NR3C1: variants seen among roughly 807,000 people sequenced by gnomAD.
The protein encoded by NR3C1 is nuclear receptor subfamily 3 group C member 1.
In NR3C1, 14 loss-of-function variants were observed where a neutral mutation model predicts 74.0. That is an observed-to-expected ratio of 0.19 (90% CI 0.12 to 0.30). The LOEUF is 0.30. Ranked by LOEUF, NR3C1 falls within the 10% of genes least tolerant of loss-of-function variation. The pLI is 1.00. For synonymous variants in NR3C1, 308 were observed against 332.5 expected (o/e 0.93, Z 0.80); for missense variants, 695 against 909.8 (o/e 0.76, Z 3.04).
At chr5:143,386,155 GATCTCATGAGAACTCACT>G (rs909371367) in intron 2 of NR3C1, among the ~76,000 whole-genome samples, 1 of 152,128 alleles carries the variant, frequency 6.6e-6, no homozygotes, top group Non-Finnish European at 1.5e-5. Flanking sequence ...CAAGCAACCA[GATCTCATGAGAACTCACT>G]ATCATGAGAA....
chr5:143,355,039 C>G (rs1830895623), intron 2 of NR3C1, among the ~76,000 whole-genome samples: 1 of 150,814 alleles, frequency 6.6e-6, no homozygotes, highest in African/African-American at 2.4e-5. Context: ...CACAGAGACA[C>G]AAAATGAGCA....
intron 2 of NR3C1, among the ~76,000 whole-genome samples, chr5:143,324,926 T>C (rs1300572296): frequency 6.6e-6 from 1 of 152,192 alleles, no homozygotes; most frequent in Non-Finnish European, 1.5e-5. Flanking sequence ...TCCCAAAAAG[T>C]TCCTAATATC....
At chr5:143,314,501 T>C (rs2151622811) in intron 2 of NR3C1, among the ~76,000 whole-genome samples, 1 of 152,042 alleles carries the variant, frequency 6.6e-6, no homozygotes, top group African/African-American at 2.4e-5. Flanking sequence ...TAACATTTAC[T>C]GTTTTCTAAG....
chr5:143,357,939 T>A (rs73797551), intron 2 of NR3C1, among the ~76,000 whole-genome samples: 71 of 152,284 alleles, frequency 4.7e-4, no homozygotes, highest in African/African-American at 1.3e-3. Context: ...ATAACTAACG[T>A]AAAACCCTGA....
intron 2 of NR3C1, among the ~76,000 whole-genome samples, chr5:143,357,831 T>C (rs944178719): frequency 2.0e-5 from 3 of 152,252 alleles, no homozygotes; most frequent in South Asian, 2.1e-4. Flanking sequence ...TAGAAGTTCA[T>C]AGGCCATTCC....
At chr5:143,343,997 A>C (rs537951656) in intron 2 of NR3C1, among the ~76,000 whole-genome samples, 1 of 152,342 alleles carries the variant, frequency 6.6e-6, no homozygotes, top group Non-Finnish European at 1.5e-5. Flanking sequence ...TACTTTTATA[A>C]ATCAGTCACT....
At chr5:143,417,309 T>A (rs1176830399) in intron 1 of NR3C1, among the ~76,000 whole-genome samples, 1 of 152,186 alleles carries the variant, frequency 6.6e-6, no homozygotes, top group Non-Finnish European at 1.5e-5. Context: ...TATAAAACAT[T>A]GCTTCTGTCT....
intron 1 of NR3C1, among the ~76,000 whole-genome samples, chr5:143,414,283 T>C (rs1398230679): frequency 6.6e-6 from 1 of 152,164 alleles, no homozygotes; most frequent in Non-Finnish European, 1.5e-5. Context: ...ATTCCAACAA[T>C]ATGATGGGTA....
At chr5:143,424,501 T>C (rs1751429435) in intron 1 of NR3C1, among the ~76,000 whole-genome samples, 1 of 152,208 alleles carries the variant, frequency 6.6e-6, no homozygotes, top group South Asian at 2.1e-4. Context: ...GTAACTCTTA[T>C]GTATCCATAA....
rs1001419940 is a variant in NR3C1, at chr5:143,322,336, T to C, written c.1185-8168A>G. On this transcript the variant is annotated intron_variant, in intron 2 of 8. Coordinates refer to ENST00000394464, the MANE Select transcript of NR3C1 (RefSeq NM_000176.3). The stretch of plus-strand genomic sequence containing the variant: ...CTTCATTTTCCACTATGATAAAGTG[T>C]CAGAACTGAGAAGCTGAGGTATATC... 2.6e-5 allele frequency among the ~76,000 whole-genome samples: 4 copies of C among 152,308 alleles called. No individual in the cohort carries two copies. In the East Asian group the frequency reaches 5.8e-4, roughly 22 times the overall value.
chr5:143,282,674 G>T lies in NR3C1; in HGVS notation c.2075C>A (p.Thr692Asn). 6.2e-7 allele frequency: 1 copy of T among 1,613,768 alleles called. No homozygotes were observed. Among genetic ancestry groups the T allele is most frequent in the East Asian group, 2.2e-5 (1 of 44,866 alleles). ...SQELFDEIRMTYIKELGKAIV... is the reference protein window; with the variant it reads ...SQELFDEIRMNYIKELGKAIV... ...GGCTTTTCCTAGCTCTTTGATGTAG[G>T]TCATTCTAATTTCATCAAATAGCTC... The change falls in exon 8 of 9, where the codon ACC becomes AAC. Residue 692 changes from threonine (T) to asparagine (N), a missense_variant. Physicochemically the swap from Thr to Asn is moderately conservative, Grantham distance 65. Coordinates refer to ENST00000394464, the MANE Select transcript of NR3C1 (RefSeq NM_000176.3).
intron 3 of NR3C1, among the ~76,000 whole-genome samples, chr5:143,312,040 C>T (rs1821099305): frequency 6.6e-6 from 1 of 152,048 alleles, no homozygotes; most frequent in Non-Finnish European, 1.5e-5. Flanking sequence ...TGGTAAATTC[C>T]CTTTCTAACT....
At chr5:143,294,368 T>A in intron 7 of NR3C1, 1 of 880,776 alleles carries the variant, frequency 1.1e-6, no homozygotes, top group Non-Finnish European at 1.4e-6. Flanking sequence ...TGGCCTAAGG[T>A]TTATAATACC....
intron 4 of NR3C1, among the ~76,000 whole-genome samples, chr5:143,301,524 AAATT>A (rs1818492673): frequency 1.3e-5 from 2 of 152,108 alleles, no homozygotes; most frequent in South Asian, 4.1e-4. Flanking sequence ...TATTATATAT[AAATT>A]ATCTTTTACC....
intron 6 of NR3C1, among the ~76,000 whole-genome samples, chr5:143,296,950 C>G (rs1031933487): frequency 6.6e-6 from 1 of 151,598 alleles, no homozygotes; most frequent in Non-Finnish European, 1.5e-5. Context: ...TGGTGGAGTG[C>G]GCCTGTAATC....
At chr5:143,397,332 A>G (rs902076862) in intron 2 of NR3C1, among the ~76,000 whole-genome samples, 5 of 151,854 alleles carry the variant, frequency 3.3e-5, no homozygotes, top group Non-Finnish European at 7.4e-5. Flanking sequence ...TTGTGGTCTC[A>G]ATGTGTTGAT....
At chr5:143,360,701 T>C (rs778608454) in intron 2 of NR3C1, among the ~76,000 whole-genome samples, 18 of 152,330 alleles carry the variant, frequency 1.2e-4, no homozygotes, top group Middle Eastern at 6.8e-3. Context: ...GTCTTACCTA[T>C]AACACTTAAT....
intron 2 of NR3C1, among the ~76,000 whole-genome samples, chr5:143,371,611 G>C (rs772009361): frequency 4.6e-5 from 7 of 152,202 alleles, no homozygotes; most frequent in Admixed American, 6.5e-5. Flanking sequence ...AAGAGCCTTG[G>C]GGTCCCACCC....
At chr5:143,295,692 AAAC>A (rs1817022622) in intron 6 of NR3C1, 102 bp from the exon 7 acceptor site, 7 of 890,332 alleles carry the variant, frequency 7.9e-6, no homozygotes, top group South Asian at 5.3e-5. Context: ...TCATAAAGAA[AAAC>A]AACTACTGCA....
Sources: gnomAD v4.1 joint callset for allele counts (sites outside exome capture counted in the v4.1 genomes callset) on GRCh38, gnomAD v4.1.1 for gene constraint, MANE v1.5 for transcripts, NCBI Gene and HGNC (gene_info 2026-07-23, HGNC 2026-07-21) for gene names.